Variants in RALGPS2 observed in about 807,000 individuals in gnomAD.
RALGPS2 encodes the protein ras-specific guanine nucleotide-releasing factor RalGPS2.
In RALGPS2, 43 loss-of-function variants were observed where a neutral mutation model predicts 86.8. The observed-to-expected ratio is 0.50, with a 90% CI of 0.39 to 0.64. RALGPS2 has a LOEUF of 0.64. Ranked by LOEUF, RALGPS2 falls within the 30% of genes least tolerant of loss-of-function variation. The probability of loss-of-function intolerance (pLI) is 0.00; values close to 1 mark genes in which losing one functional copy is unlikely to be tolerated. For missense variants in RALGPS2, 536 were observed against 694.6 expected (o/e 0.77, Z 2.57); for synonymous variants, 243 against 231.3 (o/e 1.05, Z -0.46).
chr1:178,769,972 G>A (rs1373562181), intron 1 of RALGPS2, among the ~76,000 whole-genome samples: 1 of 151,348 alleles, frequency 6.6e-6, no homozygotes, highest in East Asian at 1.9e-4. Context: ...ATTCCACTGG[G>A]TTTCTGTTTT....
chr1:178,846,808 T>A (rs1361715696), intron 8 of RALGPS2, among the ~76,000 whole-genome samples: 1 of 152,346 alleles, frequency 6.6e-6, no homozygotes, highest in Non-Finnish European at 1.5e-5. Flanking sequence ...TGTTTTGTAA[T>A]TTTTTTAAGC....
chr1:178,763,443 C>A (rs796216458), intron 1 of RALGPS2, among the ~76,000 whole-genome samples: 10 of 152,288 alleles, frequency 6.6e-5, no homozygotes, highest in African/African-American at 2.4e-4. Flanking sequence ...GCAGCATGGC[C>A]ATTGGCCAAA....
At chr1:178,726,849 C>G (rs1337607814) in intron 1 of RALGPS2, among the ~76,000 whole-genome samples, 1 of 152,190 alleles carries the variant, frequency 6.6e-6, no homozygotes, top group Non-Finnish European at 1.5e-5. Flanking sequence ...ATAGCTTGCT[C>G]ATTATAAAGC....
chr1:178,781,435 CAGACATTTAGA>C (rs1181506547), intron 2 of RALGPS2, among the ~76,000 whole-genome samples: 3 of 152,084 alleles, frequency 2.0e-5, no homozygotes, highest in Non-Finnish European at 4.4e-5. Context: ...AACTTGTTTT[CAGACATTTAGA>C]AGACATTTAG....
chr1:178,742,216 A>G (rs2102024029), intron 1 of RALGPS2, among the ~76,000 whole-genome samples: 1 of 152,230 alleles, frequency 6.6e-6, no homozygotes, highest in South Asian at 2.1e-4. Flanking sequence ...CCTGCCTGCA[A>G]GAAACCTACT....
At chr1:178,859,141 C>CTTTTTT (rs10623482) in intron 8 of RALGPS2, among the ~76,000 whole-genome samples, 2 of 151,414 alleles carry the variant, frequency 1.3e-5, no homozygotes, top group Non-Finnish European at 2.9e-5. Context: ...GCAACCCAAA[C>CTTTTTT]TTTTAATTAT....
At chr1:178,790,451 G>A (rs575680927) in intron 4 of RALGPS2, among the ~76,000 whole-genome samples, 4 of 152,288 alleles carry the variant, frequency 2.6e-5, no homozygotes, top group African/African-American at 9.6e-5. Context: ...TCTGCATTCT[G>A]CCACCAAGGT....
intron 8 of RALGPS2, among the ~76,000 whole-genome samples, chr1:178,838,962 G>T (rs1446846111): frequency 6.6e-6 from 1 of 151,186 alleles, no homozygotes; most frequent in Non-Finnish European, 1.5e-5. Flanking sequence ...GAAGTTTAGA[G>T]AAAAAAGTAA....
intron 8 of RALGPS2, chr1:178,851,135 A>G (rs1443800272): frequency 1.2e-6 from 2 of 1,612,626 alleles, no homozygotes; most frequent in Non-Finnish European, 1.7e-6. Context: ...CTCTTCAGTC[A>G]ATAGGCTTGA....
At chr1:178,906,745 A>T in intron 18 of RALGPS2, 31 bp from the exon 19 acceptor site, 1 of 1,546,138 alleles carries the variant, frequency 6.5e-7, no homozygotes, top group Non-Finnish European at 8.9e-7. Context: ...TTACATTTTT[A>T]ATATTTCCCC....
chr1:178,824,001 G>A (rs1655629646), intron 7 of RALGPS2, among the ~76,000 whole-genome samples: 1 of 152,192 alleles, frequency 6.6e-6, no homozygotes, highest in Non-Finnish European at 1.5e-5. Flanking sequence ...TTGGAAAAAT[G>A]AGGAGAAATC....
rs1647337097 is a variant in RALGPS2 at position 178,921,813 on chromosome 1, TTC to T, written c.*5456_*5457del. The stretch of plus-strand genomic sequence containing the variant: ...ATTTAAGTACAGTTTTCTGAAATAT[TTC>T]TATTGAAATAAATTACTTAAAATTA... On this transcript the variant is annotated 3_prime_UTR_variant, in exon 20 of 20. Transcript: ENST00000367635. 6.6e-6 allele frequency: 1 copy of T among 152,118 alleles called. No individual in the cohort carries two copies. Among genetic ancestry groups the T allele is most frequent in the African/African-American group, 2.4e-5 (1 of 41,446 alleles). The allele number at this position is 152,118 out of a possible 1,614,324, so 9.4% of individuals were successfully genotyped here.
At chr1:178,817,005 G>A (rs1264800562) in intron 6 of RALGPS2, among the ~76,000 whole-genome samples, 1 of 151,908 alleles carries the variant, frequency 6.6e-6, no homozygotes, top group African/African-American at 2.4e-5. Context: ...ACCGCACCCA[G>A]CCAAATTAAT....
At chr1:178,735,971 T>C (rs1208839515) in intron 1 of RALGPS2, among the ~76,000 whole-genome samples, 3 of 152,144 alleles carry the variant, frequency 2.0e-5, no homozygotes, top group East Asian at 1.9e-4. Flanking sequence ...TTTATAGCTC[T>C]TCCTGTACTT....
intron 1 of RALGPS2, among the ~76,000 whole-genome samples, chr1:178,770,542 A>C (rs1572310588): frequency 6.1e-5 from 7 of 115,496 alleles, no homozygotes; most frequent in Admixed American, 1.0e-4. Context: ...ACAGTCTTGC[A>C]CTCTCGCCCA....
At chr1:178,850,724 GC>G (rs1296048334) in intron 8 of RALGPS2, 2 of 153,294 alleles carry the variant, frequency 1.3e-5, no homozygotes, top group African/African-American at 4.8e-5. Context: ...TAAATAAAAT[GC>G]ATTATTTGGC....
At chr1:178,855,163 A>G (rs2102302452) in intron 8 of RALGPS2, among the ~76,000 whole-genome samples, 1 of 152,178 alleles carries the variant, frequency 6.6e-6, no homozygotes, top group African/African-American at 2.4e-5. Context: ...ACTTTGCCAG[A>G]TATGTACAGT....
chr1:178,811,501 A>C, intron 6 of RALGPS2, 97 bp downstream of exon 6: 1 of 917,662 alleles, frequency 1.1e-6, no homozygotes, highest in Non-Finnish European at 1.6e-6. Context: ...GTTTATTGAT[A>C]CTGGAAAAAT....
chr1:178,764,967 T>C (rs1193436058), intron 1 of RALGPS2, among the ~76,000 whole-genome samples: 1 of 152,038 alleles, frequency 6.6e-6, no homozygotes, highest in Non-Finnish European at 1.5e-5. Context: ...GGACAGTGTG[T>C]AAAACAACCA....
Sources: gnomAD v4.1 joint callset for allele counts (sites outside exome capture counted in the v4.1 genomes callset) on GRCh38, gnomAD v4.1.1 for gene constraint, MANE v1.5 for transcripts, NCBI Gene and HGNC (gene_info 2026-07-23, HGNC 2026-07-21) for gene names.